Variants in CNTNAP5 observed in about 807,000 individuals in gnomAD.
CNTNAP5 encodes the protein contactin associated protein family member 5.
A neutral mutation model predicts 150.2 loss-of-function variants in CNTNAP5; 72 were observed. The ratio of observed to expected loss-of-function variants is 0.48; its 90% confidence interval spans 0.40 to 0.58. The LOEUF (loss-of-function observed/expected upper bound fraction) is 0.58, where lower values mean the gene tolerates loss of function less well. CNTNAP5 is among the 20% of genes least tolerant of loss of function. The pLI, the probability that CNTNAP5 is intolerant of heterozygous loss-of-function variation, is 0.00. For missense variants in CNTNAP5, 1,636 were observed against 1,626.2 expected, an observed-to-expected ratio of 1.01 and a Z score of -0.10; for synonymous variants, 672 against 619.8, an observed-to-expected ratio of 1.08 and a Z score of -1.25.
intron 2 of CNTNAP5, among the ~76,000 whole-genome samples, chr2:124,226,163 C>CT (rs879726470): frequency 1.3e-3 from 185 of 143,030 alleles, no homozygotes; most frequent in Middle Eastern, 7.1e-3. Context: ...ATGGTAGTTT[C>CT]TTTTTTTTTT....
intron 1 of CNTNAP5, among the ~76,000 whole-genome samples, chr2:124,138,838 C>T (rs1684038031): frequency 6.6e-6 from 1 of 151,020 alleles, no homozygotes; most frequent in African/African-American, 2.4e-5. Context: ...CACACACACA[C>T]CACATATCAT....
At chr2:124,625,255 C>G (rs1238102387) in intron 12 of CNTNAP5, among the ~76,000 whole-genome samples, 1 of 152,154 alleles carries the variant, frequency 6.6e-6, no homozygotes, top group Admixed American at 6.5e-5. Flanking sequence ...CTTTCCTCAT[C>G]TGTAATGTGG....
intron 22 of CNTNAP5, among the ~76,000 whole-genome samples, chr2:124,909,824 GACATATATAT>G (rs1678616098): frequency 1.0e-4 from 3 of 29,202 alleles, no homozygotes; most frequent in African/African-American, 2.9e-4. Flanking sequence ...ATCAATTGGT[GACATATATAT>G]ATATATATAT....
chr2:124,845,430 T>C (rs1683028689), intron 19 of CNTNAP5, among the ~76,000 whole-genome samples: 2 of 147,996 alleles, frequency 1.4e-5, no homozygotes, highest in African/African-American at 5.1e-5. Flanking sequence ...GGGATATTGG[T>C]CTGTAGTATT....
At chr2:124,773,401 G>GC (rs1681248734) in intron 17 of CNTNAP5, among the ~76,000 whole-genome samples, 1 of 152,138 alleles carries the variant, frequency 6.6e-6, no homozygotes, top group Non-Finnish European at 1.5e-5. Flanking sequence ...TCCAAGTGCT[G>GC]CCCCAGTCCT....
rs569009816 is a variant in CNTNAP5 at position 124,194,836 on chromosome 2, T to TA, written c.83-26862dup. ...CTTCACTAATCACACATTTATCTTC[T>TA]AAAAAAACGTTTCTTTTGAATATTG... On this transcript the variant is annotated intron_variant, in intron 1 of 23. Coordinates refer to ENST00000682447, the MANE Select transcript of CNTNAP5 (RefSeq NM_001367498.1). Among the ~76,000 whole-genome samples, 276 of 151,876 alleles carry TA rather than the reference T, an allele frequency of 1.8e-3. 1 individual carries two copies. The highest frequency in any genetic ancestry group is 6.5e-3 in the African/African-American group (269 of 41,462).
chr2:124,407,791 T>A (rs936624867), intron 3 of CNTNAP5, among the ~76,000 whole-genome samples: 12 of 152,188 alleles, frequency 7.9e-5, no homozygotes, highest in Admixed American at 6.5e-5. Flanking sequence ...CCCTACTTAA[T>A]TACATTTCAG....
At chr2:124,358,625 G>C (rs1690097011) in intron 3 of CNTNAP5, among the ~76,000 whole-genome samples, 2 of 152,214 alleles carry the variant, frequency 1.3e-5, no homozygotes, top group East Asian at 3.9e-4. Context: ...TGCATATATT[G>C]AACCAGCCTT....
At chr2:124,707,179 A>AGAT (rs1234658952) in intron 13 of CNTNAP5, among the ~76,000 whole-genome samples, 2 of 138,598 alleles carry the variant, frequency 1.4e-5, no homozygotes, top group Admixed American at 7.2e-5. Flanking sequence ...AAGAAGAAGA[A>AGAT]GAAGAAGAAG....
intron 7 of CNTNAP5, among the ~76,000 whole-genome samples, chr2:124,502,293 T>C (rs552951919): frequency 1.4e-4 from 22 of 152,288 alleles, no homozygotes; most frequent in African/African-American, 2.2e-4. Context: ...GCCAGGCCTC[T>C]GGTCAGATGT....
At chr2:124,801,564 A>T (rs1264164024) in intron 19 of CNTNAP5, among the ~76,000 whole-genome samples, 1 of 152,080 alleles carries the variant, frequency 6.6e-6, no homozygotes, top group Non-Finnish European at 1.5e-5. Context: ...AAAAATAATA[A>T]CCTCTGAGTT....
intron 1 of CNTNAP5, among the ~76,000 whole-genome samples, chr2:124,140,278 G>T (rs1388639331): frequency 3.0e-4 from 46 of 151,618 alleles, no homozygotes; most frequent in African/African-American, 9.4e-4. Context: ...CAACTGGGTG[G>T]AGCCCACCAC....
intron 12 of CNTNAP5, among the ~76,000 whole-genome samples, chr2:124,627,879 T>G (rs1677762542): frequency 6.6e-6 from 1 of 152,144 alleles, no homozygotes; most frequent in African/African-American, 2.4e-5. Flanking sequence ...ATAAATGACC[T>G]GATGGAGCTG....
intron 12 of CNTNAP5, among the ~76,000 whole-genome samples, chr2:124,634,700 C>T (rs1024259576): frequency 6.6e-6 from 1 of 152,036 alleles, no homozygotes; most frequent in Non-Finnish European, 1.5e-5. Flanking sequence ...GATGGAGTTT[C>T]ACCATGTTGC....
At chr2:124,857,572 T>A (rs1027426571) in intron 19 of CNTNAP5, among the ~76,000 whole-genome samples, 2 of 151,740 alleles carry the variant, frequency 1.3e-5, no homozygotes, top group Non-Finnish European at 2.9e-5. Context: ...ATGCCTGTAA[T>A]CCCAGCACTT....
At chr2:124,585,118 GA>G (rs1180470325) in intron 11 of CNTNAP5, among the ~76,000 whole-genome samples, 1 of 152,186 alleles carries the variant, frequency 6.6e-6, no homozygotes, top group East Asian at 1.9e-4. Context: ...CTTAGCAAAG[GA>G]AAAGTTTCTG....
chr2:124,310,076 G>C (rs895671560), intron 3 of CNTNAP5, among the ~76,000 whole-genome samples: 3 of 149,094 alleles, frequency 2.0e-5, no homozygotes, highest in Non-Finnish European at 4.4e-5. Flanking sequence ...TTTTTTATGA[G>C]CATTAAGTTC....
rs368344115 is a variant in CNTNAP5, at chr2:124,875,444, T to G, written c.3436+5682T>G. On this transcript the variant is annotated intron_variant, in intron 21 of 23. Coordinates refer to ENST00000682447, the MANE Select transcript of CNTNAP5 (RefSeq NM_001367498.1). ...AGATGCTCAGCTTTTTGGAGACAAA[T>G]TGACCCATGTTTGCATCTCTCATGT... Among the ~76,000 whole-genome samples the G allele has an allele frequency of 2.5e-4, 38 of 152,158 alleles. No homozygotes were observed. The East Asian group carries it at 4.5e-3, about 18-fold the overall frequency.
intron 1 of CNTNAP5, among the ~76,000 whole-genome samples, chr2:124,121,979 C>A (rs1330540842): frequency 1.3e-5 from 2 of 152,172 alleles, no homozygotes; most frequent in Admixed American, 1.3e-4. Context: ...GTTCATTTTT[C>A]CTCCTCAGCT....
Sources: gnomAD v4.1 joint callset for allele counts (sites outside exome capture counted in the v4.1 genomes callset) on GRCh38, gnomAD v4.1.1 for gene constraint, MANE v1.5 for transcripts, NCBI Gene and HGNC (gene_info 2026-07-23, HGNC 2026-07-21) for gene names.